LPAR1: variants seen among roughly 807,000 people sequenced by gnomAD.
The protein encoded by LPAR1 is lysophosphatidic acid receptor 1.
LPAR1 carries 5 observed loss-of-function variants against 23.8 expected under a neutral mutation model. The observed-to-expected ratio is 0.21, with a 90% confidence interval of 0.11 to 0.44. The LOEUF (loss-of-function observed/expected upper bound fraction) is 0.44, where lower values mean the gene tolerates loss of function less well. Ranked by LOEUF, LPAR1 falls within the 20% of genes least tolerant of loss-of-function variation. The pLI is 0.99. For missense variants in LPAR1, 311 were observed against 482.8 expected (o/e 0.64, Z 3.33); for synonymous variants, 160 against 164.7 (o/e 0.97, Z 0.22).
intron 2 of LPAR1, among the ~76,000 whole-genome samples, chr9:110,985,907 C>G (rs1218204404): frequency 1.3e-5 from 2 of 152,058 alleles, no homozygotes; most frequent in South Asian, 2.1e-4. Flanking sequence ...CTACAGATTT[C>G]TGAGTTGGAG....
intron 2 of LPAR1, among the ~76,000 whole-genome samples, chr9:111,020,045 C>G (rs1375642679): frequency 1.3e-5 from 2 of 152,118 alleles, no homozygotes; most frequent in African/African-American, 4.8e-5. Context: ...AAAGATCTCT[C>G]TCTTCCTCTT....
At chr9:110,892,007 A>G (rs1049482142) in intron 5 of LPAR1, among the ~76,000 whole-genome samples, 11 of 152,352 alleles carry the variant, frequency 7.2e-5, no homozygotes, top group Non-Finnish European at 8.8e-5. Flanking sequence ...AAACATTCAC[A>G]TATCATATGA....
At chr9:110,960,497 T>C (rs1158437567) in intron 4 of LPAR1, among the ~76,000 whole-genome samples, 1 of 152,186 alleles carries the variant, frequency 6.6e-6, no homozygotes, top group Non-Finnish European at 1.5e-5. Flanking sequence ...TCCAACTTTA[T>C]CTGTAATTAC....
At chr9:110,885,897 T>C (rs531031099) in intron 5 of LPAR1, among the ~76,000 whole-genome samples, 1 of 152,112 alleles carries the variant, frequency 6.6e-6, no homozygotes, top group African/African-American at 2.4e-5. Flanking sequence ...ACCCCATCTC[T>C]ACTAAAAATA....
intron 4 of LPAR1, among the ~76,000 whole-genome samples, chr9:110,943,410 GAAC>G (rs955534952): frequency 6.6e-6 from 1 of 151,922 alleles, no homozygotes; most frequent in Non-Finnish European, 1.5e-5. Flanking sequence ...AAACTTCCAA[GAAC>G]AACGTGAAAT....
chr9:110,991,640 C>T (rs1383972816), intron 2 of LPAR1, among the ~76,000 whole-genome samples: 1 of 152,056 alleles, frequency 6.6e-6, no homozygotes, highest in South Asian at 2.1e-4. Flanking sequence ...GACAGTTTCA[C>T]TCTTGTTGCC....
chr9:110,961,843 C>CCACCCCCAT (rs1397645505), intron 4 of LPAR1, among the ~76,000 whole-genome samples: 1 of 151,992 alleles, frequency 6.6e-6, no homozygotes, highest in Non-Finnish European at 1.5e-5. Context: ...TGGGAAAAAC[C>CCACCCCCAT]CACCCCCGTG....
chr9:110,936,096 C>T lies in LPAR1; in HGVS notation c.793+5325G>A, dbSNP rs2135929535. ...CCTCCTCTGGGAGCCCCTCCCATCA[C>T]TCCACTCGTCATCACTCTCTGCCCA... On this transcript the variant is annotated intron_variant, in intron 5 of 5. Transcript: ENST00000683809. Among the ~76,000 whole-genome samples the T allele has an allele frequency of 2.0e-5, 3 of 152,326 alleles. No individual in the cohort carries two copies. The East Asian group carries it at 5.8e-4, about 29-fold the overall frequency.
At chr9:111,027,556 T>G (rs1282638287) in intron 2 of LPAR1, among the ~76,000 whole-genome samples, 1 of 35,514 alleles carries the variant, frequency 2.8e-5, no homozygotes, top group Non-Finnish European at 7.0e-5. Flanking sequence ...AAAAATACAA[T>G]TTTTTTTAAG....
At chr9:111,005,342 G>A (rs1012582385) in intron 2 of LPAR1, among the ~76,000 whole-genome samples, 4 of 150,872 alleles carry the variant, frequency 2.7e-5, no homozygotes, top group African/African-American at 9.8e-5. Context: ...AGGAGGCCCA[G>A]GTAGGTGGAT....
At chr9:110,905,919 G>C (rs550895652) in intron 5 of LPAR1, among the ~76,000 whole-genome samples, 18 of 152,246 alleles carry the variant, frequency 1.2e-4, no homozygotes, top group African/African-American at 4.3e-4. Context: ...AAAGGATATG[G>C]TAATACCTAA....
chr9:110,981,083 T>C (rs2096656606), intron 2 of LPAR1, among the ~76,000 whole-genome samples: 2 of 152,118 alleles, frequency 1.3e-5, no homozygotes, highest in Admixed American at 1.3e-4. Context: ...GAAACTACCT[T>C]ACCATCATCA....
At chr9:110,875,974 A>G (rs2079003192) in intron 5 of LPAR1, among the ~76,000 whole-genome samples, 1 of 152,206 alleles carries the variant, frequency 6.6e-6, no homozygotes, top group African/African-American at 2.4e-5. Flanking sequence ...TATTATTTTG[A>G]GCAAAACACA....
At chr9:110,884,178 T>C (rs757110281) in intron 5 of LPAR1, among the ~76,000 whole-genome samples, 5 of 152,210 alleles carry the variant, frequency 3.3e-5, no homozygotes, top group Non-Finnish European at 5.9e-5. Context: ...TCTGGACATA[T>C]TAGTTTTTCC....
At chr9:110,880,553 A>C (rs183819788) in intron 5 of LPAR1, among the ~76,000 whole-genome samples, 81 of 152,344 alleles carry the variant, frequency 5.3e-4, no homozygotes, top group African/African-American at 1.9e-3. Context: ...TTGATGAAAA[A>C]CACAGAAAGC....
At chr9:111,020,592 G>T (rs1370035082) in intron 2 of LPAR1, among the ~76,000 whole-genome samples, 2 of 152,164 alleles carry the variant, frequency 1.3e-5, no homozygotes, top group Non-Finnish European at 2.9e-5. Flanking sequence ...TACATGCTCT[G>T]TGCCTCTTCC....
intron 4 of LPAR1, among the ~76,000 whole-genome samples, chr9:110,965,807 T>C (rs558842254): frequency 6.6e-6 from 1 of 152,340 alleles, no homozygotes; most frequent in Non-Finnish European, 1.5e-5. Flanking sequence ...ATTTCTACTA[T>C]GAAGACACAT....
Position 110,875,741 on chromosome 9 carries a change from G to A in LPAR1, c.794-19C>T, listed in dbSNP as rs776182611. On this transcript the variant is annotated intron_variant, in intron 5 of 5. Coordinates refer to ENST00000683809, the MANE Select transcript of LPAR1 (RefSeq NM_001351411.2). ...AAGGCCCCTACAAGGACAAGGATAG[G>A]GATCAGAAGGATTTTTAAAAAGAGA... The A allele has an allele frequency of 7.2e-7, 1 of 1,387,886 alleles. No homozygotes were observed. The highest frequency in any genetic ancestry group is 2.4e-5 in the East Asian group (1 of 41,614). 86.0% of individuals were successfully genotyped at this position (1,387,886 alleles called of 1,614,324 possible).
intron 5 of LPAR1, among the ~76,000 whole-genome samples, chr9:110,881,528 G>A (rs143706382): frequency 1.4e-3 from 207 of 152,080 alleles, no homozygotes; most frequent in African/African-American, 4.7e-3. Context: ...TGTGTATTGC[G>A]CACGTACAAG....
Sources: allele counts gnomAD v4.1 joint callset (sites outside exome capture counted in the v4.1 genomes callset), GRCh38; gene constraint gnomAD v4.1.1; transcripts MANE v1.5; gene names NCBI Gene and HGNC (gene_info 2026-07-23, HGNC 2026-07-21).